The following RELN variants were observed in gnomAD, a reference collection of about 807,000 sequenced individuals.
The protein encoded by RELN is reelin.
RELN carries 108 observed loss-of-function variants against 427.6 expected under a neutral mutation model. The observed-to-expected ratio is 0.25, with a 90% confidence interval of 0.22 to 0.30. The LOEUF is 0.30. RELN is among the 10% of genes least tolerant of loss of function. The probability of loss-of-function intolerance (pLI) is 1.00; values close to 1 mark genes in which losing one functional copy is unlikely to be tolerated. For synonymous variants in RELN, 1,524 were observed against 1,513.4 expected (o/e 1.01, Z -0.16); for missense variants, 3,715 against 4,302.8 (o/e 0.86, Z 3.82).
At chr7:103,609,188 A>C (rs1422762707) in intron 22 of RELN, among the ~76,000 whole-genome samples, 1 of 147,062 alleles carries the variant, frequency 6.8e-6, no homozygotes, top group Non-Finnish European at 1.5e-5. Flanking sequence ...GCGCCACTGC[A>C]CTCCAGCCTG....
intron 52 of RELN, among the ~76,000 whole-genome samples, chr7:103,502,462 T>G (rs528595353): frequency 6.6e-6 from 1 of 152,234 alleles, no homozygotes; most frequent in Non-Finnish European, 1.5e-5. Flanking sequence ...AATTAATATA[T>G]CCACAGACTT....
chr7:103,913,663 A>C (rs1795419065), intron 2 of RELN, among the ~76,000 whole-genome samples: 1 of 152,152 alleles, frequency 6.6e-6, no homozygotes, highest in Admixed American at 6.6e-5. Flanking sequence ...AATATGTTAA[A>C]CTTAGATCAA....
chr7:103,477,886 G>A (rs1044907602), intron 64 of RELN, among the ~76,000 whole-genome samples: 3 of 152,156 alleles, frequency 2.0e-5, no homozygotes, highest in East Asian at 1.9e-4. Context: ...CATCTACTCC[G>A]TCTGCCAATT....
intron 21 of RELN, among the ~76,000 whole-genome samples, chr7:103,611,170 G>A (rs1288189851): frequency 6.6e-6 from 1 of 152,156 alleles, no homozygotes; most frequent in African/African-American, 2.4e-5. Flanking sequence ...TGCAATGGCA[G>A]ATTGCTAAGA....
At position 103,968,855 on chromosome 7, in the gene RELN, T is replaced by A. The variant is rs973071250; in HGVS notation, c.226+20276A>T. Among the ~76,000 whole-genome samples, 4 of 152,220 alleles carry A rather than the reference T, an allele frequency of 2.6e-5. No homozygotes were observed. Among genetic ancestry groups the A allele is most frequent in the East Asian group, 3.8e-4 (2 of 5,202 alleles). ...TTCATAATATTTAAAAGAATTTGTA[T>A]ATGAATTGTCATGGTTTTATGGAAA... On this transcript the variant is annotated intron_variant, in intron 1 of 64. Coordinates refer to ENST00000428762, the MANE Select transcript of RELN (RefSeq NM_005045.4). This position sits in a 1 kb window ranked among gnomAD's most constrained non-coding sequence, Gnocchi z 4.3.
At chr7:103,891,889 A>G (rs748893810) in intron 2 of RELN, among the ~76,000 whole-genome samples, 4 of 152,062 alleles carry the variant, frequency 2.6e-5, no homozygotes, top group African/African-American at 7.2e-5. Flanking sequence ...CTTTCTTTCC[A>G]GCATTCTAGA....
intron 28 of RELN, among the ~76,000 whole-genome samples, chr7:103,575,986 T>C (rs1282210279): frequency 6.6e-6 from 1 of 152,044 alleles, no homozygotes; most frequent in Non-Finnish European, 1.5e-5. Flanking sequence ...CAAGAGATTC[T>C]CTTTGGGAGG....
chr7:103,750,481 T>A (rs1204126939), intron 5 of RELN, among the ~76,000 whole-genome samples: 1 of 152,210 alleles, frequency 6.6e-6, no homozygotes, highest in Non-Finnish European at 1.5e-5. Flanking sequence ...ATTAGCAGCG[T>A]GAGAATGAAC....
rs768930762 is a variant in RELN, at chr7:103,496,607, G to C, written c.9112C>G (p.Arg3038Gly). 1 of 1,614,096 alleles carries C rather than the reference G, an allele frequency of 6.2e-7. No homozygotes were observed. Among genetic ancestry groups the C allele is most frequent in the Admixed American group, 1.7e-5 (1 of 59,994 alleles). Reference protein sequence around the residue: ...SNGIVVSGVERAQWALDNILI... With the variant: ...SNGIVVSGVEGAQWALDNILI... Reference sequence around the variant, plus strand: ...ATGTTGTCCAGTGCCCACTGAGCACGCTCCACCCCAGAGACCACAATTCCA... The same window carrying C: ...ATGTTGTCCAGTGCCCACTGAGCACCCTCCACCCCAGAGACCACAATTCCA... The change falls in exon 56 of 65, where the codon CGT becomes GGT. Residue 3038 changes from arginine (R) to glycine (G), a missense_variant. Around this residue, in one of 4 missense-constraint regions of RELN, gnomAD observed 1,310 missense variants for 1,643.0 expected, o/e 0.80. Transcript: ENST00000428762.
chr7:103,865,830 A>G (rs1584311561), intron 2 of RELN, among the ~76,000 whole-genome samples: 2 of 152,168 alleles, frequency 1.3e-5, no homozygotes, highest in South Asian at 4.1e-4. Context: ...TTGCTCTAAG[A>G]TCGGGAACAA....
chr7:103,858,280 G>C (rs1363838596), intron 2 of RELN, among the ~76,000 whole-genome samples: 2 of 152,132 alleles, frequency 1.3e-5, no homozygotes, highest in Admixed American at 1.3e-4. Context: ...ACAATACCTG[G>C]TTTTTAGAAT....
intron 5 of RELN, among the ~76,000 whole-genome samples, chr7:103,750,758 A>T (rs1223065122): frequency 6.6e-6 from 1 of 152,188 alleles, no homozygotes; most frequent in African/African-American, 2.4e-5. Flanking sequence ...CTCTTTCAGA[A>T]CTGCATAAGA....
intron 3 of RELN, among the ~76,000 whole-genome samples, chr7:103,782,722 G>A (rs1171894135): frequency 6.6e-6 from 1 of 152,136 alleles, no homozygotes; most frequent in Non-Finnish European, 1.5e-5. Context: ...GAATACAAAA[G>A]TATTTTAATA....
At chr7:103,771,806 G>A (rs997327373) in intron 4 of RELN, among the ~76,000 whole-genome samples, 2 of 152,100 alleles carry the variant, frequency 1.3e-5, no homozygotes, top group African/African-American at 4.8e-5. Flanking sequence ...TAATGATCAC[G>A]TTTTTTCAAA....
chr7:103,950,883 AG>A (rs1563107719), intron 1 of RELN, among the ~76,000 whole-genome samples: 1 of 152,202 alleles, frequency 6.6e-6, no homozygotes, highest in African/African-American at 2.4e-5. Context: ...TCAGCAAAAA[AG>A]AAAGTCCAGT....
At position 103,575,610 on chromosome 7, in the gene RELN, C is replaced by G. The variant is rs1435449730; in HGVS notation, c.4241G>C (p.Ser1414Thr). 5 of 1,614,162 alleles carry G rather than the reference C, an allele frequency of 3.1e-6. No individual in the cohort carries two copies. The highest frequency in any genetic ancestry group is 1.7e-5 in the Admixed American group (1 of 60,030). ...DGVYISEPCPSYCSGHGDCIS... is the reference protein window; with the variant it reads ...DGVYISEPCPTYCSGHGDCIS... Reference sequence around the variant, plus strand: ...GCAGTCCCCATGGCCACTGCAGTAACTGGGACAAGGCTCGGATATGTACAC... The same window carrying G: ...GCAGTCCCCATGGCCACTGCAGTAAGTGGGACAAGGCTCGGATATGTACAC... Residue 1414 changes from serine to threonine, a missense_variant, in exon 29 of 65, where the codon AGT (serine) becomes ACT (threonine). Ser to Thr is a moderately conservative substitution (Grantham distance 58). Transcript: ENST00000428762.
intron 16 of RELN, among the ~76,000 whole-genome samples, chr7:103,646,673 CA>C (rs1265129614): frequency 2.0e-5 from 3 of 151,962 alleles, no homozygotes; most frequent in Admixed American, 6.6e-5. Flanking sequence ...GACTAATTCA[CA>C]GCTGAATTCT....
chr7:103,815,704 T>C (rs1792853005), intron 3 of RELN, among the ~76,000 whole-genome samples: 1 of 152,136 alleles, frequency 6.6e-6, no homozygotes, highest in African/African-American at 2.4e-5. Flanking sequence ...TTAAGACAAA[T>C]GTCTATCCCC....
intron 1 of RELN, among the ~76,000 whole-genome samples, chr7:103,940,775 T>C (rs115917847): frequency 0.036 from 5,481 of 152,296 alleles, 353 homozygotes; most frequent in African/African-American, 0.12. Context: ...GGGTGATTGA[T>C]TGGATAATGG....
Sources: allele counts gnomAD v4.1 joint callset (sites outside exome capture counted in the v4.1 genomes callset), GRCh38; gene constraint gnomAD v4.1.1; regional missense constraint gnomAD v4.1.1; non-coding constraint Gnocchi (gnomAD v3.1); transcripts MANE v1.5; gene names NCBI Gene and HGNC (gene_info 2026-07-23, HGNC 2026-07-21).